Variants in TRIM23 observed in about 807,000 individuals in gnomAD.
The protein encoded by TRIM23 is tripartite motif containing 23, also known as E3 ubiquitin-protein ligase TRIM23.
A neutral mutation model predicts 71.0 loss-of-function variants in TRIM23; 27 were observed. That is an observed-to-expected ratio of 0.38 (90% CI 0.28 to 0.52). The LOEUF (loss-of-function observed/expected upper bound fraction) is 0.52. Among genes scored for constraint, TRIM23 ranks in the 20% least tolerant of loss-of-function variants. The probability of loss-of-function intolerance (pLI) is 0.84; values close to 1 mark genes in which losing one functional copy is unlikely to be tolerated. For missense variants in TRIM23, 482 were observed against 692.3 expected (o/e 0.70, Z 3.41); for synonymous variants, 234 against 238.0 (o/e 0.98, Z 0.16).
intron 4 of TRIM23, 79 bp from the exon 5 acceptor site, chr5:65,611,122 A>G: frequency 7.7e-7 from 1 of 1,300,768 alleles, no homozygotes; most frequent in Non-Finnish European, 1.0e-6. Flanking sequence ...ATCCCTATTA[A>G]TACAAAAAAG....
chr5:65,596,318 G>A (rs1754205525), intron 9 of TRIM23, 103 bp downstream of exon 9: 1 of 796,482 alleles, frequency 1.3e-6, no homozygotes, highest in African/African-American at 1.8e-5. Flanking sequence ...TAAGTATACA[G>A]TCAACGACTT....
chr5:65,598,675 A>G lies in TRIM23; in HGVS notation c.1180-1495T>C, dbSNP rs1314272083. ...AGGCAGAAGAATCGCTTGAACCCGG[A>G]AGGTGGAGAATGCAGTGAGCCGAGA... is the stretch of plus-strand genomic sequence containing the variant. On this transcript the variant is annotated intron_variant, in intron 7 of 10. Transcript: ENST00000231524. Among the ~76,000 whole-genome samples, 3 of 151,860 alleles carry G rather than the reference A, an allele frequency of 2.0e-5. No individual in the cohort carries two copies. In the East Asian group the frequency reaches 5.8e-4, roughly 29 times the overall value.
intron 10 of TRIM23, among the ~76,000 whole-genome samples, chr5:65,593,762 CAA>C (rs950001355): frequency 2.0e-5 from 3 of 152,180 alleles, no homozygotes; most frequent in East Asian, 1.9e-4. Context: ...AGTTCTGCCT[CAA>C]AGTCTTTTCC....
At chr5:65,619,357 G>A (rs1312981192) in intron 1 of TRIM23, among the ~76,000 whole-genome samples, 3 of 152,148 alleles carry the variant, frequency 2.0e-5, no homozygotes, top group African/African-American at 4.8e-5. Flanking sequence ...CTTTTAGCCC[G>A]TCTTTCCCTG....
At chr5:65,624,128 G>T in intron 1 of TRIM23, 66 bp downstream of exon 1, 1 of 1,598,092 alleles carries the variant, frequency 6.3e-7, no homozygotes, top group Non-Finnish European at 8.6e-7. Flanking sequence ...CGGCGATGCC[G>T]CCAGGTCTCC....
chr5:65,623,806 A>G (rs901666958), intron 1 of TRIM23, among the ~76,000 whole-genome samples: 6 of 152,222 alleles, frequency 3.9e-5, no homozygotes, highest in African/African-American at 1.4e-4. Flanking sequence ...CTACTTCATA[A>G]GTAGATATTA....
At chr5:65,620,825 C>A (rs1342555596) in intron 1 of TRIM23, among the ~76,000 whole-genome samples, 5 of 152,044 alleles carry the variant, frequency 3.3e-5, no homozygotes, top group African/African-American at 1.2e-4. Flanking sequence ...CCTGTAATCA[C>A]AGCACTTTGG....
chr5:65,600,629 A>AC (rs1370631382), intron 7 of TRIM23, among the ~76,000 whole-genome samples: 1 of 151,640 alleles, frequency 6.6e-6, no homozygotes, highest in Non-Finnish European at 1.5e-5. Context: ...CAGTAAAAAA[A>AC]AAAAAAAAAA....
intron 7 of TRIM23, 89 bp downstream of exon 7, chr5:65,604,822 T>C (rs543565796): frequency 7.0e-6 from 9 of 1,280,596 alleles, no homozygotes; most frequent in East Asian, 5.1e-5. Flanking sequence ...ATGAATTTCA[T>C]GGTTGTCTCT....
chr5:65,605,264 T>C (rs534886736), intron 6 of TRIM23, among the ~76,000 whole-genome samples: 37 of 152,294 alleles, frequency 2.4e-4, no homozygotes, highest in African/African-American at 8.4e-4. Context: ...GAACACTACA[T>C]CACAGTGAGA....
intron 6 of TRIM23, among the ~76,000 whole-genome samples, chr5:65,606,331 G>C (rs1754500426): frequency 6.6e-6 from 1 of 151,890 alleles, no homozygotes. Flanking sequence ...CTGTAGTCCA[G>C]GCTACTCAGG....
chr5:65,610,016 C>G (rs1237676421), intron 5 of TRIM23, among the ~76,000 whole-genome samples: 12 of 152,188 alleles, frequency 7.9e-5, no homozygotes, highest in Admixed American at 7.9e-4. Flanking sequence ...CACCCAAAAT[C>G]TGATCATGCC....
chr5:65,610,794 T>G, intron 5 of TRIM23, 67 bp downstream of exon 5: 2 of 1,388,588 alleles, frequency 1.4e-6, no homozygotes, highest in Admixed American at 2.4e-5. Flanking sequence ...CATTAATTAC[T>G]TAGTAGAAGG....
At chr5:65,598,949 G>A (rs1201709754) in intron 7 of TRIM23, among the ~76,000 whole-genome samples, 1 of 152,078 alleles carries the variant, frequency 6.6e-6, no homozygotes, top group African/African-American at 2.4e-5. Context: ...CAACAAACTA[G>A]GAGTAGCAGG....
rs572744349 is a variant in TRIM23 at position 65,621,054 on chromosome 5, T to C, written c.82-2799A>G. 3.6e-3 allele frequency among the ~76,000 whole-genome samples: 542 copies of C among 151,766 alleles called. 1 individual carries two copies. Among genetic ancestry groups the C allele is most frequent in the African/African-American group, 0.012 (499 of 41,344 alleles). ...CAAAAAAAAAAAATTCAATTAAATA[T>C]AGAAAAAATATTCATAGGCTGGGTG... On this transcript the variant is annotated intron_variant, in intron 1 of 10. Coordinates refer to ENST00000231524, the MANE Select transcript of TRIM23 (RefSeq NM_001656.4).
chr5:65,593,397 T>C, intron 10 of TRIM23, among the ~76,000 whole-genome samples: 1 of 152,158 alleles, frequency 6.6e-6, no homozygotes, highest in South Asian at 2.1e-4. Context: ...GTTGTGCCAC[T>C]GCACTCCAGC....
In TRIM23 at chr5:65,606,888, A is replaced by G. The variant is rs1754521989; in HGVS notation, c.1045-1843T>C. On this transcript the variant is annotated intron_variant, in intron 6 of 10. Coordinates refer to ENST00000231524, the MANE Select transcript of TRIM23 (RefSeq NM_001656.4). ...ATAATTAACTTACTTAGATATGGTT[A>G]TGGTTTATTGCCTGTCTTCTTGCTA... The G allele has an allele frequency of 3.3e-5, 5 of 152,370 alleles. No individual in the cohort carries two copies. In the South Asian group the frequency reaches 1.0e-3, roughly 32 times the overall value. 9.4% of individuals were successfully genotyped at this position (152,370 alleles called of 1,614,324 possible).
chr5:65,598,419 G>C (rs775353396), intron 7 of TRIM23, among the ~76,000 whole-genome samples: 24 of 152,132 alleles, frequency 1.6e-4, no homozygotes, highest in Non-Finnish European at 3.1e-4. Flanking sequence ...GGTGCAACCA[G>C]GAGGAAACTA....
chr5:65,616,523 T>A (rs1402113408), intron 2 of TRIM23, among the ~76,000 whole-genome samples: 3 of 150,312 alleles, frequency 2.0e-5, no homozygotes, highest in Non-Finnish European at 4.4e-5. Flanking sequence ...GTGCCTGTAA[T>A]CCCAGCTACT....
Sources: gnomAD v4.1 joint callset for allele counts (sites outside exome capture counted in the v4.1 genomes callset) on GRCh38, gnomAD v4.1.1 for gene constraint, MANE v1.5 for transcripts, NCBI Gene and HGNC (gene_info 2026-07-23, HGNC 2026-07-21) for gene names.